Variants in SH3GL2 observed in about 807,000 individuals in gnomAD.
The protein encoded by SH3GL2 is SH3 domain containing GRB2 like 2, endophilin A1.
SH3GL2 carries 24 observed loss-of-function variants against 46.0 expected under a neutral mutation model. The ratio of observed to expected loss-of-function variants is 0.52; its 90% CI spans 0.38 to 0.73. SH3GL2 has a LOEUF of 0.73. Ranked by LOEUF, SH3GL2 falls within the 30% of genes least tolerant of loss-of-function variation. The probability of loss-of-function intolerance (pLI) is 0.00; values close to 1 mark genes in which losing one functional copy is unlikely to be tolerated. For missense variants in SH3GL2, 413 were observed against 424.2 expected (o/e 0.97, Z 0.23); for synonymous variants, 196 against 147.1 (o/e 1.33, Z -2.40).
intron 1 of SH3GL2, among the ~76,000 whole-genome samples, chr9:17,698,633 A>T (rs1371276691): frequency 1.3e-5 from 2 of 152,178 alleles, no homozygotes; most frequent in Non-Finnish European, 2.9e-5. Context: ...AGGAAATAAG[A>T]GATTAAATGA....
At position 17,791,295 on chromosome 9, in the gene SH3GL2, T is replaced by G. The variant is rs1211642528; in HGVS notation, c.689T>G (p.Val230Gly). 1.5e-5 allele frequency: 25 copies of G among 1,613,614 alleles called. No individual in the cohort carries two copies. The highest frequency in any genetic ancestry group is 2.1e-5 in the Non-Finnish European group (25 of 1,179,578). Residue 230 changes from valine to glycine, a missense_variant, in exon 7 of 9, where the codon GTC (valine) becomes GGC (glycine). By Grantham distance (109) the Val-to-Gly change is moderately radical. Coordinates refer to ENST00000380607, the MANE Select transcript of SH3GL2 (RefSeq NM_003026.5). ...CAGCTGGAGTACCACAAGCAGGCAGTCCAGATCCTGCAGCAAGTCACGGTC... is the reference window on the plus strand; with the variant it reads ...CAGCTGGAGTACCACAAGCAGGCAGGCCAGATCCTGCAGCAAGTCACGGTC... Reference protein sequence around the residue: ...QAQLEYHKQAVQILQQVTVRL... With the variant: ...QAQLEYHKQAGQILQQVTVRL...
At chr9:17,606,312 T>C (rs1024054058) in intron 1 of SH3GL2, among the ~76,000 whole-genome samples, 1 of 152,228 alleles carries the variant, frequency 6.6e-6, no homozygotes, top group South Asian at 2.1e-4. Context: ...AGGCTGGTCT[T>C]GAACTCCTGA....
At chr9:17,789,231 T>A (rs982483110) in intron 5 of SH3GL2, among the ~76,000 whole-genome samples, 161 bp from the exon 6 acceptor site, 1 of 152,234 alleles carries the variant, frequency 6.6e-6, no homozygotes, top group African/African-American at 2.4e-5. Context: ...TTGAAAGCAC[T>A]GGCCCCATTG....
chr9:17,617,472 A>G (rs1437765292), intron 1 of SH3GL2, among the ~76,000 whole-genome samples: 1 of 152,204 alleles, frequency 6.6e-6, no homozygotes. Context: ...AGTGTCCTTG[A>G]TTATTCCTTG....
At chr9:17,677,804 C>T (rs890583594) in intron 1 of SH3GL2, among the ~76,000 whole-genome samples, 23 of 151,814 alleles carry the variant, frequency 1.5e-4, no homozygotes, top group African/African-American at 4.8e-4. Flanking sequence ...AACAGGCCCC[C>T]GTGTGTGATG....
At chr9:17,725,160 T>C (rs1337071968) in intron 1 of SH3GL2, among the ~76,000 whole-genome samples, 2 of 152,176 alleles carry the variant, frequency 1.3e-5, no homozygotes, top group Non-Finnish European at 2.9e-5. Context: ...AAGGTTGTGC[T>C]TAAGCCCCTC....
intron 1 of SH3GL2, among the ~76,000 whole-genome samples, chr9:17,683,712 G>T (rs911768368): frequency 6.6e-6 from 1 of 152,076 alleles, no homozygotes; most frequent in Admixed American, 6.6e-5. Flanking sequence ...TCTACTGCTA[G>T]GGGAGTGGGG....
intron 1 of SH3GL2, among the ~76,000 whole-genome samples, chr9:17,704,735 C>T (rs1302659222): frequency 2.6e-5 from 4 of 152,010 alleles, no homozygotes; most frequent in African/African-American, 9.7e-5. Context: ...AGCCAATATG[C>T]AGAAGATTGA....
At chr9:17,668,784 G>A (rs1364046954) in intron 1 of SH3GL2, among the ~76,000 whole-genome samples, 3 of 152,134 alleles carry the variant, frequency 2.0e-5, no homozygotes, top group Admixed American at 2.0e-4. Context: ...AGCCTCCTGA[G>A]TAGCCAGGAC....
At chr9:17,641,095 G>A (rs1351452196) in intron 1 of SH3GL2, among the ~76,000 whole-genome samples, 6 of 152,130 alleles carry the variant, frequency 3.9e-5, no homozygotes. Context: ...AAGTTATTAA[G>A]CATTTATAAA....
At chr9:17,784,398 C>T (rs577163471) in intron 3 of SH3GL2, among the ~76,000 whole-genome samples, 2 of 152,112 alleles carry the variant, frequency 1.3e-5, no homozygotes, top group Non-Finnish European at 1.5e-5. Flanking sequence ...GTAAAATGGC[C>T]TGAATAGGAT....
intron 1 of SH3GL2, among the ~76,000 whole-genome samples, chr9:17,597,659 T>G (rs1389238304): frequency 2.0e-5 from 3 of 152,344 alleles, no homozygotes; most frequent in African/African-American, 7.2e-5. Context: ...AGATGCTTCT[T>G]TCATAATTGG....
chr9:17,702,815 TAA>T (rs1821371566), intron 1 of SH3GL2, among the ~76,000 whole-genome samples: 1 of 152,104 alleles, frequency 6.6e-6, no homozygotes, highest in Non-Finnish European at 1.5e-5. Context: ...ATGGTTTTTT[TAA>T]AGAGATTAAT....
intron 1 of SH3GL2, among the ~76,000 whole-genome samples, chr9:17,587,322 A>AG (rs1818396913): frequency 6.6e-6 from 1 of 152,194 alleles, no homozygotes; most frequent in South Asian, 2.1e-4. Context: ...GGCATCCTGC[A>AG]GGGGGCATTG....
At chr9:17,641,088 T>C (rs958759717) in intron 1 of SH3GL2, among the ~76,000 whole-genome samples, 4 of 152,218 alleles carry the variant, frequency 2.6e-5, no homozygotes, top group African/African-American at 7.2e-5. Context: ...TTTTAAAAAG[T>C]TATTAAGCAT....
At chr9:17,748,197 G>C (rs553955882) in intron 2 of SH3GL2, among the ~76,000 whole-genome samples, 1 of 152,278 alleles carries the variant, frequency 6.6e-6, no homozygotes, top group South Asian at 2.1e-4. Context: ...CTTCAGAACA[G>C]GTGATATTTA....
intron 1 of SH3GL2, among the ~76,000 whole-genome samples, chr9:17,686,906 A>T (rs948886397): frequency 6.8e-6 from 1 of 147,770 alleles, no homozygotes; most frequent in East Asian, 2.0e-4. Context: ...AACCTGCACA[A>T]TGTGCACATG....
At chr9:17,786,273 G>T in intron 3 of SH3GL2, 108 bp from the exon 4 acceptor site, 1 of 993,174 alleles carries the variant, frequency 1.0e-6, no homozygotes. Context: ...ACACTTATCA[G>T]TAGCTGAGCT....
At chr9:17,667,361 G>A (rs1183035632) in intron 1 of SH3GL2, among the ~76,000 whole-genome samples, 7 of 151,950 alleles carry the variant, frequency 4.6e-5, no homozygotes, top group Admixed American at 4.6e-4. Context: ...CATGCCCACT[G>A]GCACCCACTC....
Sources: gnomAD v4.1 joint callset for allele counts (sites outside exome capture counted in the v4.1 genomes callset) on GRCh38, gnomAD v4.1.1 for gene constraint, MANE v1.5 for transcripts, NCBI Gene and HGNC (gene_info 2026-07-23, HGNC 2026-07-21) for gene names.